Variants in MDM2 observed in about 807,000 individuals in gnomAD.
MDM2 encodes MDM2 proto-oncogene, also known as E3 ubiquitin-protein ligase Mdm2.
In MDM2, 11 loss-of-function variants were observed where a neutral mutation model predicts 64.3. The observed-to-expected ratio is 0.17, with a 90% CI of 0.11 to 0.28. The LOEUF (loss-of-function observed/expected upper bound fraction) is 0.28. Ranked by LOEUF, MDM2 falls within the 10% of genes least tolerant of loss-of-function variation. MDM2 has a pLI of 1.00. For synonymous variants in MDM2, 194 were observed against 192.9 expected (o/e 1.01, Z -0.05); for missense variants, 388 against 577.1 (o/e 0.67, Z 3.36).
rs2136178782 is a variant in MDM2 at position 68,839,595 on chromosome 12, C to A, written c.1240C>A (p.Gln414Lys). The A allele has an allele frequency of 6.2e-7, 1 of 1,613,016 alleles. No individual in the cohort carries two copies. Among genetic ancestry groups the A allele is most frequent in the Non-Finnish European group, 8.5e-7 (1 of 1,179,936 alleles). ...STSSSIIYSS[Q>K]EDVKEFEREE... The stretch of plus-strand genomic sequence containing the variant: ...TTCTAGTAGCATTATTTATAGCAGC[C>A]AAGAAGATGTGAAAGAGTTTGAAAG... Residue 414 changes from glutamine to lysine, a missense_variant, in exon 11 of 11, where the codon CAA becomes AAA. Coordinates refer to ENST00000258149, the MANE Select transcript of MDM2 (RefSeq NM_002392.6).
At chr12:68,808,531 C>T (rs376622060) in intron 1 of MDM2, 40 bp downstream of exon 1, 5 of 1,613,576 alleles carry the variant, frequency 3.1e-6, no homozygotes, top group South Asian at 1.1e-5. Context: ...TGGGTCTGGG[C>T]TCTGACGGTG....
chr12:68,835,723 T>C (rs1883252331), intron 8 of MDM2, 106 bp from the exon 9 acceptor site: 1 of 1,105,848 alleles, frequency 9.0e-7, no homozygotes, highest in Non-Finnish European at 1.3e-6. Context: ...ATCCCCCAAC[T>C]GTTACACCCT....
At chr12:68,821,042 T>C (rs1881797223) in intron 5 of MDM2, among the ~76,000 whole-genome samples, 1 of 138,580 alleles carries the variant, frequency 7.2e-6, no homozygotes. Flanking sequence ...GTACACAGTT[T>C]GCTTTTTTTT....
intron 8 of MDM2, among the ~76,000 whole-genome samples, chr12:68,833,472 G>A (rs1480869206): frequency 6.9e-6 from 1 of 145,588 alleles, no homozygotes; most frequent in African/African-American, 2.5e-5. Flanking sequence ...TAATTTAATA[G>A]TTTCTGGGGC....
chr12:68,846,251 C>T (rs1884289929), downstream of MDM2: 1 of 150,384 alleles, frequency 6.6e-6, no homozygotes, highest in African/African-American at 2.5e-5. Flanking sequence ...CCGTGCCCGG[C>T]CTAATTTTTG....
intron 7 of MDM2, chr12:68,828,109 T>TG (rs1882486425): frequency 6.6e-6 from 1 of 152,134 alleles, no homozygotes; most frequent in Non-Finnish European, 1.5e-5. Context: ...CCAGCCTGGG[T>TG]GGTCGAGTGT....
rs74099445 is a variant in MDM2, at chr12:68,843,106, T to A, written c.*3257T>A. 14,748 of 218,040 alleles carry A rather than the reference T, an allele frequency of 0.068. 2,181 individuals are homozygous for A. Among genetic ancestry groups the A allele is most frequent in the African/African-American group, 0.31 (13,784 of 44,126 alleles). 13.5% of individuals were successfully genotyped at this position (218,040 alleles called of 1,614,324 possible). On this transcript the variant is annotated 3_prime_UTR_variant, in exon 11 of 11. Transcript: ENST00000258149. ...TTTGTTGTGTGGGTTTTTTTTTTTT[T>A]AAAGCCACACAATAATTTTGGAAAA...
rs1483699266 is a variant in MDM2 at position 68,841,659 on chromosome 12, A to G, written c.*1810A>G. On this transcript the variant is annotated 3_prime_UTR_variant, in exon 11 of 11. Transcript: ENST00000258149. ...AAAGTACCTTCTTGGCCTGGGTTAC[A>G]TGGTTCCCAGCCTAGGTTTCAGACT... 1.4e-5 allele frequency: 3 copies of G among 209,264 alleles called. No individual in the cohort carries two copies. Among genetic ancestry groups the G allele is most frequent in the Admixed American group, 1.2e-4 (2 of 16,960 alleles). 13.0% of individuals were successfully genotyped at this position (209,264 alleles called of 1,614,324 possible). A position where few individuals can be genotyped will look rare whatever the true frequency, so the allele number is the denominator to read the frequency against.
intron 2 of MDM2, among the ~76,000 whole-genome samples, chr12:68,810,199 G>T (rs61403655): frequency 1.3e-5 from 2 of 151,874 alleles, no homozygotes; most frequent in South Asian, 4.2e-4. Flanking sequence ...ATAATCCCCT[G>T]CTGAGGAGGC....
chr12:68,838,794 A>G (rs974993265), intron 10 of MDM2, among the ~76,000 whole-genome samples: 8 of 152,242 alleles, frequency 5.3e-5, no homozygotes, highest in Admixed American at 1.3e-4. Flanking sequence ...TTATAGGTAC[A>G]TGATTAATAT....
intron 8 of MDM2, among the ~76,000 whole-genome samples, chr12:68,829,684 C>G (rs1473582182): frequency 6.7e-6 from 1 of 150,350 alleles, no homozygotes; most frequent in African/African-American, 2.5e-5. Flanking sequence ...GAGAATCGCT[C>G]GAACCCAGGA....
In MDM2 at chr12:68,808,477, G is replaced by C. The variant is rs1161919144; in HGVS notation, c.-1G>C. 6.2e-7 allele frequency: 1 copy of C among 1,614,136 alleles called. No individual in the cohort carries two copies. ...CCCGACTCCAAGCGCGAAAACCCCG[G>C]ATGGTGAGGAGCAGGTACTGGCCCG... On this transcript the variant is annotated 5_prime_UTR_variant, in exon 1 of 11. Coordinates refer to ENST00000258149, the MANE Select transcript of MDM2 (RefSeq NM_002392.6).
chr12:68,832,070 CAAA>C (rs1475795653), intron 8 of MDM2, among the ~76,000 whole-genome samples: 2 of 152,158 alleles, frequency 1.3e-5, no homozygotes, highest in African/African-American at 4.8e-5. Context: ...AATTCCATCT[CAAA>C]CAACAACAAC....
At chr12:68,823,322 C>G (rs936923477) in intron 5 of MDM2, among the ~76,000 whole-genome samples, 1 of 152,146 alleles carries the variant, frequency 6.6e-6, no homozygotes, top group African/African-American at 2.4e-5. Flanking sequence ...GACTTTTGAG[C>G]TCAAAGTCTG....
chr12:68,845,624 A>G (rs553289455), downstream of MDM2: 569 of 177,634 alleles, frequency 3.2e-3, 2 homozygotes, highest in Non-Finnish European at 4.8e-3. Context: ...ACTTTAAAAA[A>G]AATTCGATAG....
chr12:68,848,277 G>C (rs1263203474), downstream of MDM2: 3 of 152,164 alleles, frequency 2.0e-5, no homozygotes, highest in Non-Finnish European at 4.4e-5. Flanking sequence ...CCACCTCCTG[G>C]GTTCAAGTGA....
chr12:68,815,440 T>TA (rs1881278343), intron 3 of MDM2, among the ~76,000 whole-genome samples: 1 of 143,758 alleles, frequency 7.0e-6, no homozygotes. Context: ...CTTCTTTTTT[T>TA]TTTTTTTTTT....
intron 7 of MDM2, among the ~76,000 whole-genome samples, chr12:68,826,563 C>T (rs1361641581): frequency 4.0e-5 from 6 of 148,614 alleles, no homozygotes; most frequent in Non-Finnish European, 7.4e-5. Flanking sequence ...GCAGGAGAAT[C>T]GCTTGAACCT....
intron 7 of MDM2, chr12:68,828,017 G>C (rs2136146853): frequency 6.6e-6 from 1 of 152,308 alleles, no homozygotes. Flanking sequence ...TTTAATCCCA[G>C]CTACTTGGAA....
Sources: allele counts gnomAD v4.1 joint callset (sites outside exome capture counted in the v4.1 genomes callset), GRCh38; gene constraint gnomAD v4.1.1; transcripts MANE v1.5; gene names NCBI Gene and HGNC (gene_info 2026-07-23, HGNC 2026-07-21).